INSL6: variants seen among roughly 807,000 people sequenced by gnomAD.
INSL6 encodes the protein insulin-like peptide INSL6.
A neutral mutation model predicts 9.4 loss-of-function variants in INSL6; 16 were observed. That is an observed-to-expected ratio of 1.70 (90% confidence interval 1.15 to 2.59). The LOEUF is 2.59. Among genes scored for constraint, INSL6 ranks in the 30% most tolerant of loss-of-function variants. The pLI is 0.00. For missense variants in INSL6, 391 were observed against 257.3 expected (o/e 1.52, Z -3.56); for synonymous variants, 154 against 96.9 (o/e 1.59, Z -3.46).
chr9:5,050,782 A>C, the INSL6 span: 1 of 1,613,764 alleles, frequency 6.2e-7, no homozygotes, highest in South Asian at 1.1e-5. Flanking sequence ...TATGATGAGA[A>C]TAGCCAAAGA....
At chr9:5,128,430 A>T (rs1401315621) in intron 3 of INSL6, among the ~76,000 whole-genome samples, 8 of 151,810 alleles carry the variant, frequency 5.3e-5, no homozygotes, top group Admixed American at 2.0e-4. Flanking sequence ...TTGTATATGC[A>T]ACACAGTAAG....
the INSL6 span, among the ~76,000 whole-genome samples, chr9:5,020,191 G>T: frequency 6.6e-6 from 1 of 152,142 alleles, no homozygotes; most frequent in African/African-American, 2.4e-5. Context: ...TGGCTGGGTA[G>T]GCAAGTCCTA....
chr9:5,082,679 C>CT, the INSL6 span, among the ~76,000 whole-genome samples: 4 of 152,264 alleles, frequency 2.6e-5, no homozygotes. Flanking sequence ...CATTACCCGG[C>CT]TTTCCAGGGC....
chr9:5,025,473 T>G, the INSL6 span, among the ~76,000 whole-genome samples: 30 of 152,146 alleles, frequency 2.0e-4, no homozygotes, highest in Admixed American at 1.0e-3. Context: ...CTTCCCTTCT[T>G]CTGTCTCTTT....
At chr9:5,042,230 C>A in the INSL6 span, among the ~76,000 whole-genome samples, 1 of 150,988 alleles carries the variant, frequency 6.6e-6, no homozygotes, top group Non-Finnish European at 1.5e-5. Context: ...CTCCGCCTCC[C>A]GGGTTCCCGC....
chr9:5,090,965 T>C, the INSL6 span: 1 of 1,221,640 alleles, frequency 8.2e-7, no homozygotes, highest in Non-Finnish European at 1.1e-6. Flanking sequence ...CTTCAAACTT[T>C]ATTGTTGTTA....
the INSL6 span, chr9:5,073,706 T>G: frequency 1.2e-6 from 2 of 1,611,156 alleles, no homozygotes; most frequent in Non-Finnish European, 1.7e-6. Context: ...AGTCTTTCTT[T>G]GAAGCAGCAA....
At chr9:5,078,467 A>G in the INSL6 span, 2 of 1,589,846 alleles carry the variant, frequency 1.3e-6, no homozygotes, top group East Asian at 2.3e-5. Context: ...AGGATTATAT[A>G]TAATGTTACT....
intron 1 of INSL6, among the ~76,000 whole-genome samples, chr9:5,181,533 A>C (rs1365657191): frequency 6.6e-6 from 1 of 152,188 alleles, no homozygotes; most frequent in Non-Finnish European, 1.5e-5. Flanking sequence ...TTAAGGACTT[A>C]ATGTGAAAAG....
chr9:5,006,746 C>G, the INSL6 span, among the ~76,000 whole-genome samples: 1 of 152,194 alleles, frequency 6.6e-6, no homozygotes, highest in African/African-American at 2.4e-5. Context: ...GACCCAGTCA[C>G]CTCTCACCAG....
chr9:5,001,803 A>G, the INSL6 span, among the ~76,000 whole-genome samples: 91 of 152,018 alleles, frequency 6.0e-4, 1 homozygote, highest in Non-Finnish European at 1.1e-3. Flanking sequence ...CACTTTGGCC[A>G]AGAGTTTTCT....
chr9:5,148,370 T>C (rs1350814473), intron 2 of INSL6, among the ~76,000 whole-genome samples: 1 of 152,182 alleles, frequency 6.6e-6, no homozygotes, highest in Non-Finnish European at 1.5e-5. Context: ...AGTTACCAAG[T>C]TCCTGGCTTT....
intron 1 of INSL6, among the ~76,000 whole-genome samples, chr9:5,181,283 T>C (rs1392662366): frequency 1.3e-5 from 2 of 152,118 alleles, no homozygotes; most frequent in African/African-American, 4.8e-5. Flanking sequence ...GCCAGATAAA[T>C]GACATCCTAT....
the INSL6 span, chr9:5,111,621 C>T: frequency 5.4e-6 from 2 of 373,682 alleles, no homozygotes; most frequent in Non-Finnish European, 1.0e-5. Flanking sequence ...GGCTTTGGCC[C>T]CATGCTGGGC....
intron 1 of INSL6, among the ~76,000 whole-genome samples, chr9:5,169,837 C>T (rs1253098574): frequency 3.9e-5 from 6 of 152,110 alleles, no homozygotes; most frequent in Non-Finnish European, 8.8e-5. Flanking sequence ...ATATATGCAC[C>T]CAATACAGGA....
At chr9:5,052,253 C>T in the INSL6 span, among the ~76,000 whole-genome samples, 1 of 152,076 alleles carries the variant, frequency 6.6e-6, no homozygotes, top group Admixed American at 6.6e-5. Context: ...ATTGTAGTTT[C>T]TTCCAGTTTG....
At chr9:5,013,858 TTTAA>T in the INSL6 span, among the ~76,000 whole-genome samples, 1,252 of 152,274 alleles carry the variant, frequency 8.2e-3, 26 homozygotes, top group African/African-American at 0.029. Flanking sequence ...ACAGCGGAAA[TTTAA>T]TTAAGTAATT....
chr9:5,112,367 C>T, the INSL6 span: 2 of 391,158 alleles, frequency 5.1e-6, no homozygotes, highest in South Asian at 5.8e-5. Flanking sequence ...TGGGCTAGGG[C>T]GAGCAGGCCA....
intron 3 of INSL6, among the ~76,000 whole-genome samples, chr9:5,133,071 G>C (rs541997586): frequency 6.6e-6 from 1 of 152,250 alleles, no homozygotes; most frequent in South Asian, 2.1e-4. Flanking sequence ...GAGGTGTTAT[G>C]CCTCCAAGAG....
Sources: gnomAD v4.1 joint callset for allele counts (sites outside exome capture counted in the v4.1 genomes callset) on GRCh38, gnomAD v4.1.1 for gene constraint, MANE v1.5 for transcripts, NCBI Gene and HGNC (gene_info 2026-07-23, HGNC 2026-07-21) for gene names.